The following ATP8A2 variants were observed in gnomAD, a reference collection of about 807,000 sequenced individuals.
The protein encoded by ATP8A2 is phospholipid-transporting ATPase IB.
In ATP8A2, 100 loss-of-function variants were observed where a neutral mutation model predicts 165.6. The ratio of observed to expected loss-of-function variants is 0.60; its 90% CI spans 0.51 to 0.71. The LOEUF (loss-of-function observed/expected upper bound fraction) is 0.71, where lower values mean the gene tolerates loss of function less well. ATP8A2 is among the 30% of genes least tolerant of loss of function. The pLI is 0.00. For synonymous variants in ATP8A2, 543 were observed against 548.8 expected (o/e 0.99, Z 0.15); for missense variants, 1,227 against 1,479.5 (o/e 0.83, Z 2.80).
chr13:25,984,356 C>T (rs1464052151), intron 35 of ATP8A2, among the ~76,000 whole-genome samples: 1 of 152,048 alleles, frequency 6.6e-6, no homozygotes, highest in Admixed American at 6.5e-5. Flanking sequence ...GTAATTCCAG[C>T]ACTTTGGGAG....
At chr13:25,875,085 C>A (rs1593486947) in intron 33 of ATP8A2, among the ~76,000 whole-genome samples, 1 of 151,702 alleles carries the variant, frequency 6.6e-6, no homozygotes, top group South Asian at 2.1e-4. Context: ...ATGGCAGTTG[C>A]CGGGGCTGGG....
chr13:25,774,781 A>T, intron 26 of ATP8A2, 68 bp from the exon 27 acceptor site: 3 of 888,072 alleles, frequency 3.4e-6, no homozygotes, highest in Non-Finnish European at 3.7e-6. Context: ...GTTCATAAGG[A>T]CATTCTGTTT....
At chr13:25,959,619 C>G (rs1240382265) in intron 33 of ATP8A2, among the ~76,000 whole-genome samples, 1 of 152,184 alleles carries the variant, frequency 6.6e-6, no homozygotes, top group Non-Finnish European at 1.5e-5. Flanking sequence ...CCCACAACCA[C>G]CATGACAGAT....
rs61494765 is a variant in ATP8A2 at position 25,490,726 on chromosome 13, G to T, written c.221+21605G>T. Among the ~76,000 whole-genome samples the T allele has an allele frequency of 2.5e-3, 369 of 150,004 alleles. 2 individuals are homozygous for T. The highest frequency in any genetic ancestry group is 8.8e-3 in the African/African-American group (356 of 40,500). On this transcript the variant is annotated intron_variant, in intron 2 of 36. Transcript: ENST00000381655. The stretch of plus-strand genomic sequence containing the variant: ...GCCGTGACTACTAATTAGTTTTTTT[G>T]TTTTTTTTTTGTTTGTTTGTTTGTT...
chr13:25,512,914 A>AC lies in ATP8A2; in HGVS notation c.222-17078dup, dbSNP rs1402387587. Among the ~76,000 whole-genome samples, 375 of 95,362 alleles carry AC rather than the reference A, an allele frequency of 3.9e-3. 1 individual carries two copies. The highest frequency in any genetic ancestry group is 0.014 in the African/African-American group (337 of 24,084). 62.6% of individuals were successfully genotyped at this position (95,362 alleles called of 152,430 possible). A position where few individuals can be genotyped will look rare whatever the true frequency, so the allele number is the denominator to read the frequency against. ...GGGTGGCTGGCCAGGCGGGGGGCTG[A>AC]CCCCCCCACCTCCCTCCCGGATGGG... is the stretch of plus-strand genomic sequence containing the variant. On this transcript the variant is annotated intron_variant, in intron 2 of 36. Coordinates refer to ENST00000381655, the MANE Select transcript of ATP8A2 (RefSeq NM_016529.6).
chr13:25,892,418 A>G (rs1953393398), intron 33 of ATP8A2, among the ~76,000 whole-genome samples: 1 of 151,970 alleles, frequency 6.6e-6, no homozygotes, highest in East Asian at 1.9e-4. Flanking sequence ...CCTGTGAAAA[A>G]TAAGTTAAAA....
At chr13:25,850,912 T>C (rs1951992125) in intron 30 of ATP8A2, among the ~76,000 whole-genome samples, 2 of 152,170 alleles carry the variant, frequency 1.3e-5, no homozygotes, top group Admixed American at 1.3e-4. Flanking sequence ...CCACAGGTGT[T>C]TGCCTCTAAA....
At chr13:25,527,299 A>G (rs560568932) in intron 2 of ATP8A2, among the ~76,000 whole-genome samples, 2 of 152,300 alleles carry the variant, frequency 1.3e-5, no homozygotes, top group African/African-American at 4.8e-5. Flanking sequence ...AAGTGTGGTC[A>G]TTGTACCAGT....
At chr13:25,702,749 A>C (rs2137932343) in intron 25 of ATP8A2, among the ~76,000 whole-genome samples, 1 of 152,310 alleles carries the variant, frequency 6.6e-6, no homozygotes, top group Middle Eastern at 3.4e-3. Context: ...CTGGGTCTCC[A>C]TCTGGCCACA....
intron 15 of ATP8A2, among the ~76,000 whole-genome samples, chr13:25,560,917 C>A (rs1187592160): frequency 6.7e-6 from 1 of 150,112 alleles, no homozygotes; most frequent in Non-Finnish European, 1.5e-5. Flanking sequence ...GACGGAGTCT[C>A]GCTCTGTTGC....
chr13:25,410,929 A>G (rs2033947276), intron 1 of ATP8A2, among the ~76,000 whole-genome samples: 1 of 152,156 alleles, frequency 6.6e-6, no homozygotes, highest in African/African-American at 2.4e-5. Flanking sequence ...TGTTCTTGCT[A>G]TCAAAACCTT....
intron 1 of ATP8A2, among the ~76,000 whole-genome samples, chr13:25,399,397 C>CTTTTTTTTTTTTTTT (rs71077467): frequency 2.7e-5 from 2 of 74,060 alleles, no homozygotes; most frequent in Non-Finnish European, 4.9e-5. Context: ...AGTGGTTCTT[C>CTTTTTTTTTTTTTTT]TTTTTTTTTT....
At chr13:25,677,345 AAT>A (rs1337188235) in intron 24 of ATP8A2, among the ~76,000 whole-genome samples, 4 of 152,352 alleles carry the variant, frequency 2.6e-5, no homozygotes, top group Non-Finnish European at 5.9e-5. Context: ...TTAGATCCAT[AAT>A]GGTTTTCAAT....
intron 24 of ATP8A2, among the ~76,000 whole-genome samples, chr13:25,600,058 TTAAGTTATGGAG>T (rs2040341955): frequency 6.6e-6 from 1 of 152,106 alleles, no homozygotes; most frequent in Non-Finnish European, 1.5e-5. Flanking sequence ...GAATTGTTAA[TTAAGTTATGGAG>T]TTTGCTAACT....
intron 24 of ATP8A2, among the ~76,000 whole-genome samples, chr13:25,634,741 G>A (rs1177118945): frequency 6.6e-6 from 1 of 152,046 alleles, no homozygotes; most frequent in Non-Finnish European, 1.5e-5. Context: ...CCTGTACCAA[G>A]CATTTCTTTC....
At chr13:25,978,412 A>G (rs889717607) in intron 35 of ATP8A2, among the ~76,000 whole-genome samples, 3 of 152,210 alleles carry the variant, frequency 2.0e-5, no homozygotes, top group Admixed American at 6.5e-5. Flanking sequence ...TCCAGCCTGA[A>G]AACAAACAGG....
chr13:25,426,163 T>C (rs781662541), intron 1 of ATP8A2, among the ~76,000 whole-genome samples: 1 of 152,174 alleles, frequency 6.6e-6, no homozygotes, highest in South Asian at 2.1e-4. Context: ...GGGTAATTTA[T>C]AGATAAAAGA....
intron 1 of ATP8A2, among the ~76,000 whole-genome samples, chr13:25,417,225 C>T (rs1040373883): frequency 6.6e-6 from 1 of 152,150 alleles, no homozygotes; most frequent in African/African-American, 2.4e-5. Flanking sequence ...CCAGTTTAGG[C>T]TGAGCCAGGT....
chr13:25,725,071 A>G (rs2138053677), intron 25 of ATP8A2, among the ~76,000 whole-genome samples: 1 of 152,300 alleles, frequency 6.6e-6, no homozygotes, highest in South Asian at 2.1e-4. Context: ...GCCTTTAAAC[A>G]AGCGCTCTGA....
Sources: gnomAD v4.1 joint callset for allele counts (sites outside exome capture counted in the v4.1 genomes callset) on GRCh38, gnomAD v4.1.1 for gene constraint, MANE v1.5 for transcripts, NCBI Gene and HGNC (gene_info 2026-07-23, HGNC 2026-07-21) for gene names.